AATK: variants seen among roughly 807,000 people sequenced by gnomAD.
AATK encodes lemur tail kinase 1, also known as serine/threonine-protein kinase LMTK1.
AATK carries 91 observed loss-of-function variants against 114.3 expected under a neutral mutation model. That is an observed-to-expected ratio of 0.80 (90% CI 0.67 to 0.95). AATK has a LOEUF of 0.95. AATK is among the 40% of genes least tolerant of loss of function. The pLI is 0.00. For synonymous variants in AATK, 1,075 were observed against 916.5 expected, an observed-to-expected ratio of 1.17 and a Z score of -3.12; for missense variants, 2,176 against 1,965.2, an observed-to-expected ratio of 1.11 and a Z score of -2.03.
chr17:81,123,112 G>A lies in AATK; in HGVS notation c.1112+82C>T, dbSNP rs972376773. The A allele has an allele frequency of 7.4e-6, 10 of 1,349,202 alleles. No homozygotes were observed. The African/African-American group carries it at 1.2e-4, about 16-fold the overall frequency. The allele number at this position is 1,349,202 out of a possible 1,614,324, so 83.6% of individuals were successfully genotyped here. ...CCAGGCAGGGCTGGAACGCCAGGGG[G>A]TCAGGGTGAGCCGCCTCTGCCTGGG... is the stretch of plus-strand genomic sequence containing the variant. On this transcript the variant is annotated intron_variant, in intron 10 of 13. Transcript: ENST00000326724.
intron 1 of AATK, among the ~76,000 whole-genome samples, chr17:81,153,604 G>T (rs147241345): frequency 6.6e-6 from 1 of 152,258 alleles, no homozygotes; most frequent in African/African-American, 2.4e-5. Context: ...AGGATGAGAG[G>T]ATGCTTTGTG....
At chr17:81,156,640 G>T (rs565994637) in intron 1 of AATK, among the ~76,000 whole-genome samples, 3 of 151,990 alleles carry the variant, frequency 2.0e-5, no homozygotes, top group African/African-American at 7.3e-5. Context: ...CTGGTGATCC[G>T]CCTGCCTTGG....
rs1195481451 is a variant in AATK at position 81,120,896 on chromosome 17, T to A, written c.3040A>T (p.Lys1014Ter). 1 of 1,591,312 alleles carries A rather than the reference T, an allele frequency of 6.3e-7. No individual in the cohort carries two copies. The change falls in exon 11 of 14, where the codon AAG becomes TAG. Residue 1014 changes from lysine to a stop codon, truncating the protein, a stop_gained. Transcript: ENST00000326724. LOFTEE classifies it high-confidence loss of function. ...CCGGGGGCTCGGTCCCCGCCGCACT[T>A]CTTCTCTGGGCCTGAGGTGGCCTCG... ...EAEATSGPEKKCGGDRAPGPE... is the reference protein window; with the variant it reads ...EAEATSGPEK
Position 81,120,856 on chromosome 17 carries a change from AGGCCCAGCTCTGGCCCGGGGGCTC to A in AATK, c.3056_3079del (p.Arg1019_Gly1026del). The A allele has an allele frequency of 6.3e-7, 1 of 1,579,050 alleles. No individual in the cohort carries two copies. The highest frequency in any genetic ancestry group is 1.2e-5 in the South Asian group (1 of 86,784). ...CTCAGACGGCTGCCCAGTGCTCGGCAGGCCCAGCTCTGGCCCGGGGGCTCGGTCCCCGCCGCACTTCTTCTCTGG... is the reference window on the plus strand; with the variant it reads ...CTCAGACGGCTGCCCAGTGCTCGGCAGGTCCCCGCCGCACTTCTTCTCTGG... On this transcript the variant is annotated inframe_deletion, in exon 11 of 14. Coordinates refer to ENST00000326724, the MANE Select transcript of AATK (RefSeq NM_001080395.3).
intron 1 of AATK, among the ~76,000 whole-genome samples, chr17:81,138,696 A>C (rs4969401): frequency 0.79 from 116,937 of 147,418 alleles, 46,473 homozygotes; most frequent in East Asian, 0.97. Context: ...CACACACCCA[A>C]GCACGCAGAT....
intron 1 of AATK, chr17:81,165,644 C>T: frequency 6.8e-7 from 1 of 1,480,126 alleles, no homozygotes; most frequent in South Asian, 1.2e-5. Flanking sequence ...CTCTCCTGGA[C>T]ACCAGGGGCC....
Position 81,120,335 on chromosome 17 carries a change from T to G in AATK, c.3601A>C (p.Ser1201Arg). The G allele has an allele frequency of 6.2e-7, 1 of 1,610,592 alleles. No individual in the cohort carries two copies. Residue 1201 changes from serine to arginine, a missense_variant, in exon 11 of 14, where the codon AGC becomes CGC. Physicochemically the swap from Ser to Arg is moderately radical, Grantham distance 110. Around this residue, in one of 4 missense-constraint regions of AATK, gnomAD observed 1,701 missense variants for 1,394.7 expected, o/e 1.22. Coordinates refer to ENST00000326724, the MANE Select transcript of AATK (RefSeq NM_001080395.3). ...APAVPVVVAE[S>R]QSARNLRSLL... Reference sequence around the variant, plus strand: ...CTGCGCAGGTTGCGCGCGCTCTGGCTCTCAGCCACCACCACGGGCACCGCC... The same window carrying G: ...CTGCGCAGGTTGCGCGCGCTCTGGCGCTCAGCCACCACCACGGGCACCGCC...
rs1568216441 is a variant in AATK, at chr17:81,119,470, C to CGT, written c.3993_3994insAC (p.Ala1332ThrfsTer99). On this transcript the variant is annotated frameshift_variant, in exon 13 of 14. Coordinates refer to ENST00000326724, the MANE Select transcript of AATK (RefSeq NM_001080395.3). LOFTEE classifies it high-confidence loss of function. ...GACACCGTGAAGCGCGAGAAGGGAG[C>CGT]GGGCGTGGGCGTGGGCGCAGCCGGG... 5.2e-5 allele frequency: 79 copies of CGT among 1,505,602 alleles called. No homozygotes were observed. Among genetic ancestry groups the CGT allele is most frequent in the Middle Eastern group, 3.5e-4 (2 of 5,636 alleles). 93.3% of individuals were successfully genotyped at this position (1,505,602 alleles called of 1,614,324 possible).
At chr17:81,142,644 G>A (rs1474205137) in intron 1 of AATK, among the ~76,000 whole-genome samples, 2 of 152,216 alleles carry the variant, frequency 1.3e-5, no homozygotes, top group African/African-American at 4.8e-5. Flanking sequence ...AGGGGACCAA[G>A]AGCAGGGAAG....
At chr17:81,165,891 C>A in intron 1 of AATK, 47 bp downstream of exon 1, 14 of 1,554,464 alleles carry the variant, frequency 9.0e-6, no homozygotes, top group Non-Finnish European at 1.2e-5. Context: ...ATCACGTCCG[C>A]AGCGGAGGGA....
In AATK at chr17:81,123,234, G is replaced by A. The variant is rs529454674; in HGVS notation, c.1072C>T (p.Leu358=). 128 of 1,419,322 alleles carry A rather than the reference G, an allele frequency of 9.0e-5. 6 individuals are homozygous for A. The South Asian group carries it at 1.9e-3, about 21-fold the overall frequency. 87.9% of individuals were successfully genotyped at this position (1,419,322 alleles called of 1,614,324 possible). ...GTCAGCTGCAGCTGGGGCTTGGGCA[G>A]CTTGAGCTGCTGCTCCCGGACCGTG... is the stretch of plus-strand genomic sequence containing the variant. ...AYTVREQQLK[L]PKPQLQLTLS... Residue 358 remains leucine (L), a synonymous_variant, in exon 10 of 14, where the codon CTG becomes TTG. Coordinates refer to ENST00000326724, the MANE Select transcript of AATK (RefSeq NM_001080395.3).
At position 81,117,315 on chromosome 17, in the gene AATK, T is replaced by TTTCTC. The variant is rs780831885; in HGVS notation, c.*1082_*1086dup. On this transcript the variant is annotated 3_prime_UTR_variant, in exon 14 of 14. Transcript: ENST00000326724. ...AAAGGTTTCTTTTGTCTTAGCTTCA[T>TTTCTC]TTCTCTTAAAAAACAAGGAACAAGA... The TTTCTC allele has an allele frequency of 6.6e-6, 1 of 152,250 alleles. No individual in the cohort carries two copies. 9.4% of individuals were successfully genotyped at this position (152,250 alleles called of 1,614,324 possible).
Position 81,140,803 on chromosome 17 carries a change from G to T in AATK, c.56-6302C>A, listed in dbSNP as rs1406832861. Among the ~76,000 whole-genome samples, 6 of 132,346 alleles carry T rather than the reference G, an allele frequency of 4.5e-5. 1 individual carries two copies. Among genetic ancestry groups the T allele is most frequent in the African/African-American group, 1.8e-4 (6 of 32,516 alleles). 86.8% of individuals were successfully genotyped at this position (132,346 alleles called of 152,430 possible). On this transcript the variant is annotated intron_variant, in intron 1 of 13. Transcript: ENST00000326724. Reference sequence around the variant, plus strand: ...GGTGAGACCGTGGGGCCGTGAGACCGTGGGGCTGTGAGCCGTGGGGCCGGG... The same window carrying T: ...GGTGAGACCGTGGGGCCGTGAGACCTTGGGGCTGTGAGCCGTGGGGCCGGG...
chr17:81,148,041 A>C (rs993278613), intron 1 of AATK, among the ~76,000 whole-genome samples: 1 of 147,334 alleles, frequency 6.8e-6, no homozygotes, highest in African/African-American at 2.5e-5. Flanking sequence ...ATAACTATTT[A>C]CAAATCCTGA....
chr17:81,151,281 CA>C (rs1487851405), intron 1 of AATK, among the ~76,000 whole-genome samples: 19 of 105,114 alleles, frequency 1.8e-4, no homozygotes, highest in South Asian at 3.3e-4. Context: ...GGCCCAGCCC[CA>C]CCTGTCTCCC....
Position 81,120,964 on chromosome 17 carries a change from G to C in AATK, c.2972C>G (p.Pro991Arg). The change falls in exon 11 of 14, where the codon CCC becomes CGC. Residue 991 changes from proline to arginine, a missense_variant. Around this residue, in one of 4 missense-constraint regions of AATK, gnomAD observed 1,701 missense variants for 1,394.7 expected, o/e 1.22. Transcript: ENST00000326724. ...TSLSGLNEKN[P>R]YRDSAYFSDL... ...TGAGAAGTAGGCAGAGTCTCGGTAGGGATTCTTCTCGTTGAGGCCACTGAG... is the reference window on the plus strand; with the variant it reads ...TGAGAAGTAGGCAGAGTCTCGGTAGCGATTCTTCTCGTTGAGGCCACTGAG... 6.2e-7 allele frequency: 1 copy of C among 1,610,042 alleles called. No homozygotes were observed. Among genetic ancestry groups the C allele is most frequent in the South Asian group, 1.1e-5 (1 of 90,304 alleles).
chr17:81,152,518 A>C (rs1237644665), intron 1 of AATK, among the ~76,000 whole-genome samples: 2 of 152,200 alleles, frequency 1.3e-5, no homozygotes, highest in African/African-American at 2.4e-5. Flanking sequence ...CAGGAGGTCA[A>C]GGCTGCAGTG....
chr17:81,122,134 C>T lies in AATK; in HGVS notation c.1802G>A (p.Arg601Gln), dbSNP rs776206444. 6 of 1,534,318 alleles carry T rather than the reference C, an allele frequency of 3.9e-6. No individual in the cohort carries two copies. Among genetic ancestry groups the T allele is most frequent in the Admixed American group, 3.8e-5 (2 of 52,098 alleles). The change falls in exon 11 of 14, where the codon CGG (arginine) becomes CAG (glutamine). Residue 601 changes from arginine to glutamine, a missense_variant. Transcript: ENST00000326724. ...AGAGCGTGAGGGGCAGAGCGGGTCC[C>T]GCGCCAAGCTTCTGCGAGGGTAGTG... ...GDHYPRRSLA[R>Q]DPLCPSRSPS...
At chr17:81,156,371 T>A (rs1259517248) in intron 1 of AATK, among the ~76,000 whole-genome samples, 1 of 152,200 alleles carries the variant, frequency 6.6e-6, no homozygotes, top group Non-Finnish European at 1.5e-5. Context: ...TTCAAATAAA[T>A]CCCTTTTCAA....
Sources: gnomAD v4.1 joint callset for allele counts (sites outside exome capture counted in the v4.1 genomes callset) on GRCh38, gnomAD v4.1.1 for gene constraint, gnomAD v4.1.1 regional missense constraint, MANE v1.5 for transcripts, NCBI Gene and HGNC (gene_info 2026-07-23, HGNC 2026-07-21) for gene names.